Variants in ARHGEF40 observed in about 807,000 individuals in gnomAD.
ARHGEF40 encodes Rho guanine nucleotide exchange factor 40.
A neutral mutation model predicts 165.9 loss-of-function variants in ARHGEF40; 98 were observed. That is an observed-to-expected ratio of 0.59 (90% CI 0.50 to 0.70). ARHGEF40 has a LOEUF of 0.70. ARHGEF40 is among the 30% of genes least tolerant of loss of function. ARHGEF40 has a pLI of 0.00. For synonymous variants in ARHGEF40, 792 were observed against 814.3 expected, an observed-to-expected ratio of 0.97 and a Z score of 0.47; for missense variants, 1,815 against 1,968.0, an observed-to-expected ratio of 0.92 and a Z score of 1.47.
At chr14:21,086,846 C>T in intron 19 of ARHGEF40, 155 bp from the exon 20 acceptor site, 2 of 589,658 alleles carry the variant, frequency 3.4e-6, no homozygotes, top group East Asian at 5.7e-5. Context: ...TGATAGTCAA[C>T]AGAAGGAGTA....
rs750832829 is a variant in ARHGEF40 at position 21,083,979 on chromosome 14, G to A, written c.3718G>A (p.Val1240Ile). ...SSECRALGAAVQLLREQEARG... is the reference protein window; with the variant it reads ...SSECRALGAAIQLLREQEARG... ...TGAGTGCCGGGCCCTTGGGGCTGCT[G>A]TACAGCTGCTCCGGGAACAAGAGGC... is the stretch of plus-strand genomic sequence containing the variant. The change falls in exon 17 of 24, where the codon GTA (valine) becomes ATA (isoleucine). Residue 1240 changes from valine to isoleucine, a missense_variant. Coordinates refer to ENST00000298694, the MANE Select transcript of ARHGEF40 (RefSeq NM_018071.5). The A allele has an allele frequency of 2.5e-6, 4 of 1,613,424 alleles. No homozygotes were observed. In the African/African-American group the frequency reaches 4.0e-5, roughly 16 times the overall value.
rs370018068 is a variant in ARHGEF40 at position 21,082,063 on chromosome 14, G to T, written c.3195G>T (p.Gly1065=). ...REHVLLGRAR[G]PDGPWGVGTP... is the part of the protein sequence containing the mutation. ...ACGTGCTGCTGGGCCGGGCTAGGGGGCCAGACGGACCCTGGGGAGTAGGCA... is the reference window on the plus strand; with the variant it reads ...ACGTGCTGCTGGGCCGGGCTAGGGGTCCAGACGGACCCTGGGGAGTAGGCA... Residue 1065 remains glycine (G), a synonymous_variant, in exon 14 of 24, where the codon GGG becomes GGT. Transcript: ENST00000298694. 2.3e-4 allele frequency: 356 copies of T among 1,559,966 alleles called. 1 individual carries two copies. In the Middle Eastern group the frequency reaches 4.0e-3, roughly 17 times the overall value.
intron 16 of ARHGEF40, among the ~76,000 whole-genome samples, chr14:21,083,430 G>A (rs1233102526): frequency 6.6e-6 from 1 of 151,692 alleles, no homozygotes; most frequent in Non-Finnish European, 1.5e-5. Context: ...GGCACCTGTA[G>A]TCCCAGCTAC....
chr14:21,062,028 A>T, the ARHGEF40 span, among the ~76,000 whole-genome samples: 59 of 152,350 alleles, frequency 3.9e-4, no homozygotes, highest in East Asian at 6.4e-3. Context: ...TACAAATAAG[A>T]TCAAATAGTC....
upstream of ARHGEF40, among the ~76,000 whole-genome samples, chr14:21,067,919 A>T (rs1170444718): frequency 6.6e-6 from 1 of 151,074 alleles, no homozygotes; most frequent in East Asian, 1.9e-4. Context: ...GGGTAACTGC[A>T]TCCCTGATTC....
rs1208696012 is a variant in ARHGEF40, at chr14:21,074,453, G to A, written c.723G>A (p.Glu241=). The change falls in exon 3 of 24, where the codon GAG becomes GAA. Residue 241 remains glutamate (E), a synonymous_variant. Coordinates refer to ENST00000298694, the MANE Select transcript of ARHGEF40 (RefSeq NM_018071.5). The surrounding 1 kb of genome is among the most constrained non-coding windows in gnomAD (Gnocchi z 4.8). Reference sequence around the variant, plus strand: ...CCCCTGTGGAAGGACCTGAGGGCGAGTATGTGGAGCTGTTAGAGGTGACGC... The same window carrying A: ...CCCCTGTGGAAGGACCTGAGGGCGAATATGTGGAGCTGTTAGAGGTGACGC... ...HNAPVEGPEG[E]YVELLEVTLP... 1.3e-6 allele frequency: 2 copies of A among 1,596,852 alleles called. No individual in the cohort carries two copies. Among genetic ancestry groups the A allele is most frequent in the African/African-American group, 1.3e-5 (1 of 74,416 alleles).
upstream of ARHGEF40, among the ~76,000 whole-genome samples, chr14:21,065,765 A>G (rs1485629366): frequency 6.6e-6 from 1 of 152,198 alleles, no homozygotes; most frequent in Admixed American, 6.5e-5. Context: ...AAAGGTGCCA[A>G]ATTAAGCATC....
chr14:21,081,458 A>C, intron 13 of ARHGEF40, 51 bp from the exon 14 acceptor site: 1 of 1,599,856 alleles, frequency 6.3e-7, no homozygotes, highest in Non-Finnish European at 8.5e-7. Flanking sequence ...TTCGTGAGCA[A>C]CACAGGCCCT....
Position 21,073,282 on chromosome 14 carries a change from C to T in ARHGEF40, c.201+40C>T. The T allele has an allele frequency of 6.4e-7, 1 of 1,555,472 alleles. No individual in the cohort carries two copies. The highest frequency in any genetic ancestry group is 1.2e-5 in the South Asian group (1 of 85,072). The stretch of plus-strand genomic sequence containing the variant: ...ATCACTATTCTGCCTTCCCCAAGAT[C>T]CACTGCCACACTCTACAGACTAGCC... On this transcript the variant is annotated intron_variant, in intron 2 of 23. Coordinates refer to ENST00000298694, the MANE Select transcript of ARHGEF40 (RefSeq NM_018071.5). This position sits in a 1 kb window ranked among gnomAD's most constrained non-coding sequence, Gnocchi z 4.6.
At chr14:21,064,554 G>A in the ARHGEF40 span, among the ~76,000 whole-genome samples, 4 of 152,150 alleles carry the variant, frequency 2.6e-5, no homozygotes, top group South Asian at 2.1e-4. Flanking sequence ...CGCCCACCTC[G>A]GCCTCCCAAA....
Position 21,078,445 on chromosome 14 carries a change from G to A in ARHGEF40, c.2203G>A (p.Gly735Arg), listed in dbSNP as rs921481506. The A allele has an allele frequency of 1.9e-6, 3 of 1,608,724 alleles. No individual in the cohort carries two copies. The highest frequency in any genetic ancestry group is 1.7e-4 in the Middle Eastern group (1 of 6,024). ...CCGGCTGACGGCACTGCAGAGGGAT[G>A]GGGGGGCCATCCTGATGAGGCTGCG... Reference protein sequence around the residue: ...DPRLTALQRDGGAILMRLRST... With the variant: ...DPRLTALQRDRGAILMRLRST... Residue 735 changes from glycine to arginine, a missense_variant, in exon 10 of 24, where the codon GGG (glycine) becomes AGG (arginine). Transcript: ENST00000298694.
rs1281498849 is a variant in ARHGEF40 at position 21,084,864 on chromosome 14, A to G, written c.3901A>G (p.Ser1301Gly). The G allele has an allele frequency of 6.2e-7, 1 of 1,614,086 alleles. No homozygotes were observed. The highest frequency in any genetic ancestry group is 8.5e-7 in the Non-Finnish European group (1 of 1,180,042). Residue 1301 changes from serine to glycine, a missense_variant, in exon 18 of 24, where the codon AGC (serine) becomes GGC (glycine). By Grantham distance (56) the Ser-to-Gly change is moderately conservative (BLOSUM62 0). Transcript: ENST00000298694. ...TCTCTTCGAGCATCTCCTCCTGTTC[A>G]GCAAGCTCAAGGGCCCTGAAGGGGG... Reference protein sequence around the residue: ...VFLFEHLLLFSKLKGPEGGSE... With the variant: ...VFLFEHLLLFGKLKGPEGGSE...
rs997735780 is a variant in ARHGEF40 at position 21,081,825 on chromosome 14, C to T, written c.2957C>T (p.Ser986Leu). The T allele has an allele frequency of 1.1e-5, 18 of 1,607,538 alleles. 1 individual carries two copies. The highest frequency in any genetic ancestry group is 1.3e-5 in the Non-Finnish European group (15 of 1,177,796). Reference sequence around the variant, plus strand: ...GCCCAGTGGGGGCCCCGCAGCCCCTCGCCCAGCCTCAGCTCCTTGCTGCTC... The same window carrying T: ...GCCCAGTGGGGGCCCCGCAGCCCCTTGCCCAGCCTCAGCTCCTTGCTGCTC... ...GGAQWGPRSP[S>L]PSLSSLLLPS... Residue 986 changes from serine to leucine, a missense_variant, in exon 14 of 24, where the codon TCG becomes TTG. Physicochemically the swap from Ser to Leu is moderately radical, Grantham distance 145. Coordinates refer to ENST00000298694, the MANE Select transcript of ARHGEF40 (RefSeq NM_018071.5).
Position 21,074,753 on chromosome 14 carries a change from G to T in ARHGEF40, c.1023G>T (p.Val341=). 1 of 1,609,584 alleles carries T rather than the reference G, an allele frequency of 6.2e-7. No homozygotes were observed. Among genetic ancestry groups the T allele is most frequent in the Non-Finnish European group, 8.5e-7 (1 of 1,178,666 alleles). The change falls in exon 3 of 24, where the codon GTG becomes GTT. Residue 341 remains valine (V), a synonymous_variant. Transcript: ENST00000298694. This position sits in a 1 kb window ranked among gnomAD's most constrained non-coding sequence, Gnocchi z 4.8. ...TGTCTGAGCCCCCAGCAGAGGCTGT[G>T]GGAGAAGCCTCCGGATCTTGCCCCC... The part of the protein sequence containing the change: ...LEVSEPPAEA[V]GEASGSCPLR...
In ARHGEF40 at chr14:21,076,473, C is replaced by T. The variant is rs1887430331; in HGVS notation, c.1836+17C>T. On this transcript the variant is annotated intron_variant, in intron 6 of 23. Coordinates refer to ENST00000298694, the MANE Select transcript of ARHGEF40 (RefSeq NM_018071.5). ...CAACTTCAGGTAACCACCCCTCAAA[C>T]AGGCAGTTCCCCTGGATCCTAACTC... 1 of 1,614,100 alleles carries T rather than the reference C, an allele frequency of 6.2e-7. No homozygotes were observed. The highest frequency in any genetic ancestry group is 8.5e-7 in the Non-Finnish European group (1 of 1,179,942).
rs773947809 is a variant in ARHGEF40, at chr14:21,088,881, G to T, written c.*5+5G>T. On this transcript the variant is annotated splice_donor_5th_base_variant and intron_variant, in intron 23 of 23. Transcript: ENST00000298694. ...CACCACGCCTCTGTGACCTGGGTGA[G>T]TCAGCATCCCCAATTTCTACCACAT... is the stretch of plus-strand genomic sequence containing the variant. 6.2e-7 allele frequency: 1 copy of T among 1,611,968 alleles called. No homozygotes were observed. Among genetic ancestry groups the T allele is most frequent in the African/African-American group, 1.3e-5 (1 of 74,972 alleles).
At position 21,084,665 on chromosome 14, in the gene ARHGEF40, C is replaced by T. The variant is rs999741726; in HGVS notation, c.3790-88C>T. On this transcript the variant is annotated intron_variant, in intron 17 of 23. Transcript: ENST00000298694. ...TCTACCTGAGAACCAGTGCATTAGG[C>T]CACTTGCCCTATAAATCTATTTTTG... is the stretch of plus-strand genomic sequence containing the variant. 105 of 1,433,198 alleles carry T rather than the reference C, an allele frequency of 7.3e-5. No homozygotes were observed. The African/African-American group carries it at 1.2e-3, about 16-fold the overall frequency. The allele number at this position is 1,433,198 out of a possible 1,614,324, so 88.8% of individuals were successfully genotyped here. A position where few individuals can be genotyped will look rare whatever the true frequency, so the allele number is the denominator to read the frequency against.
intron 15 of ARHGEF40, among the ~76,000 whole-genome samples, 157 bp from the exon 16 acceptor site, chr14:21,082,674 G>T (rs1017757797): frequency 1.3e-5 from 2 of 152,220 alleles, no homozygotes; most frequent in African/African-American, 4.8e-5. Context: ...CCTGGACTAT[G>T]CTCTCTCCAC....
rs763867513 is a variant in ARHGEF40 at position 21,084,789 on chromosome 14, G to A, written c.3826G>A (p.Asp1276Asn). The stretch of plus-strand genomic sequence containing the variant: ...GGAGCAGGGACAGCTCTTGCATCGA[G>A]ACCCCTTCACTGTCATCTGTGGCCG... ...LKEQGQLLHR[D>N]PFTVICGRKK... Residue 1276 changes from aspartate (D) to asparagine (N), a missense_variant, in exon 18 of 24, where the codon GAC becomes AAC. Asp to Asn is a conservative substitution (Grantham distance 23, BLOSUM62 1). Coordinates refer to ENST00000298694, the MANE Select transcript of ARHGEF40 (RefSeq NM_018071.5). The A allele has an allele frequency of 1.1e-5, 17 of 1,613,982 alleles. No individual in the cohort carries two copies. In the South Asian group the frequency reaches 1.6e-4, roughly 16 times the overall value.
Sources: allele counts gnomAD v4.1 joint callset (sites outside exome capture counted in the v4.1 genomes callset), GRCh38; gene constraint gnomAD v4.1.1; non-coding constraint Gnocchi (gnomAD v3.1); transcripts MANE v1.5; gene names NCBI Gene and HGNC (gene_info 2026-07-23, HGNC 2026-07-21).